TNFRSF21: variants seen among roughly 807,000 people sequenced by gnomAD.
TNFRSF21 encodes the protein tumor necrosis factor receptor superfamily member 21.
TNFRSF21 carries 19 observed loss-of-function variants against 45.6 expected under a neutral mutation model. The ratio of observed to expected loss-of-function variants is 0.42; its 90% CI spans 0.29 to 0.61. The LOEUF (loss-of-function observed/expected upper bound fraction) is 0.61, where lower values mean the gene tolerates loss of function less well. TNFRSF21 is among the 20% of genes least tolerant of loss of function. The probability of loss-of-function intolerance (pLI) is 0.23; values close to 1 mark genes in which losing one functional copy is unlikely to be tolerated. For synonymous variants in TNFRSF21, 314 were observed against 335.5 expected (o/e 0.94, Z 0.70); for missense variants, 737 against 851.5 (o/e 0.87, Z 1.67).
chr6:47,253,035 A>ATT (rs137905625), intron 4 of TNFRSF21, among the ~76,000 whole-genome samples: 2 of 151,078 alleles, frequency 1.3e-5, no homozygotes, highest in African/African-American at 2.4e-5. Flanking sequence ...GAGCATCAGT[A>ATT]TTTTTTTTTA....
intron 3 of TNFRSF21, among the ~76,000 whole-genome samples, chr6:47,267,168 G>A (rs1338625934): frequency 3.3e-5 from 5 of 149,668 alleles, no homozygotes; most frequent in South Asian, 4.2e-4. Flanking sequence ...GTGAGATCTC[G>A]GCTCACTGTA....
chr6:47,293,042 C>T (rs1762749442), intron 1 of TNFRSF21, among the ~76,000 whole-genome samples: 1 of 152,208 alleles, frequency 6.6e-6, no homozygotes, highest in South Asian at 2.1e-4. Flanking sequence ...GCTCCACCTT[C>T]CCTGTAAAGC....
intron 1 of TNFRSF21, among the ~76,000 whole-genome samples, chr6:47,308,721 G>C (rs560283033): frequency 3.3e-5 from 5 of 152,328 alleles, no homozygotes; most frequent in East Asian, 3.9e-4. Context: ...TTCCAGTGCC[G>C]GCGCGCTGGC....
intron 2 of TNFRSF21, among the ~76,000 whole-genome samples, chr6:47,285,075 C>T (rs1735576130): frequency 6.6e-6 from 1 of 152,048 alleles, no homozygotes; most frequent in African/African-American, 2.4e-5. Flanking sequence ...CAGGACTTGG[C>T]CTAAGCAAAG....
At chr6:47,280,621 G>A (rs146133662) in intron 3 of TNFRSF21, among the ~76,000 whole-genome samples, 281 of 152,288 alleles carry the variant, frequency 1.8e-3, no homozygotes, top group African/African-American at 5.5e-3. Flanking sequence ...TTTCACAGAC[G>A]AGTAGGATCA....
chr6:47,286,388 C>T lies in TNFRSF21; in HGVS notation c.304G>A (p.Gly102Ser), dbSNP rs1368594520. 1.2e-6 allele frequency: 2 copies of T among 1,614,218 alleles called. No individual in the cohort carries two copies. The highest frequency in any genetic ancestry group is 1.3e-5 in the African/African-American group (1 of 75,060). The change falls in exon 2 of 6, where the codon GGC (glycine) becomes AGC (serine). Residue 102 changes from glycine (G) to serine (S), a missense_variant. Transcript: ENST00000296861. ...CTACAGTCATGGCATTTCTCTATGC[C>T]ATTCTCATGCCTGGTAAAGGTCCCC... ...PVGTFTRHEN[G>S]IEKCHDCSQP...
intron 4 of TNFRSF21, among the ~76,000 whole-genome samples, chr6:47,250,796 T>C (rs1764891100): frequency 1.3e-5 from 2 of 152,294 alleles, no homozygotes; most frequent in Admixed American, 6.5e-5. Context: ...AAATAAACAA[T>C]GGACAGAGAG....
At chr6:47,261,347 C>T (rs994129442) in intron 3 of TNFRSF21, among the ~76,000 whole-genome samples, 5 of 152,244 alleles carry the variant, frequency 3.3e-5, no homozygotes, top group Non-Finnish European at 7.3e-5. Context: ...TGACTAGCAG[C>T]ATCCCCAGCA....
At position 47,243,302 on chromosome 6, in the gene TNFRSF21, A is replaced by AT. The variant is rs531291529; in HGVS notation, c.1510-8405dup. 2.6e-5 allele frequency among the ~76,000 whole-genome samples: 4 copies of AT among 152,338 alleles called. No individual in the cohort carries two copies. The South Asian group carries it at 8.3e-4, about 32-fold the overall frequency. On this transcript the variant is annotated intron_variant, in intron 4 of 5. Coordinates refer to ENST00000296861, the MANE Select transcript of TNFRSF21 (RefSeq NM_014452.5). Reference sequence around the variant, plus strand: ...AGACAGTCTATACTTATACCAATAAATAAGTATATATGTTCTCCACCCCCC... The same window carrying AT: ...AGACAGTCTATACTTATACCAATAAATTAAGTATATATGTTCTCCACCCCCC...
chr6:47,239,207 A>G (rs1764708724), intron 4 of TNFRSF21, among the ~76,000 whole-genome samples: 1 of 149,018 alleles, frequency 6.7e-6, no homozygotes, highest in African/African-American at 2.5e-5. Context: ...GATTGCTTGA[A>G]CTGGGGAGGC....
intron 1 of TNFRSF21, among the ~76,000 whole-genome samples, chr6:47,298,061 A>G (rs982373463): frequency 1.3e-5 from 2 of 152,178 alleles, no homozygotes; most frequent in African/African-American, 4.8e-5. Context: ...AGAAAACACA[A>G]GAGAGCAGAA....
chr6:47,283,474 C>T (rs1762597457), intron 3 of TNFRSF21, among the ~76,000 whole-genome samples: 1 of 152,148 alleles, frequency 6.6e-6, no homozygotes, highest in African/African-American at 2.4e-5. Flanking sequence ...CTGAAAATGG[C>T]AAACTTATGA....
chr6:47,286,320 A>T lies in TNFRSF21; in HGVS notation c.372T>A (p.Ala124=). ...AAGTGCATTCTCGGTCAGTCAAGGCAGCACAAGGTAATTTCTCAATCATTG... is the reference window on the plus strand; with the variant it reads ...AAGTGCATTCTCGGTCAGTCAAGGCTGCACAAGGTAATTTCTCAATCATTG... ...PWPMIEKLPC[A]ALTDRECTCP... is the part of the protein sequence containing the mutation. Residue 124 remains alanine (A), a synonymous_variant, in exon 2 of 6, where the codon GCT becomes GCA. Coordinates refer to ENST00000296861, the MANE Select transcript of TNFRSF21 (RefSeq NM_014452.5). 6.2e-7 allele frequency: 1 copy of T among 1,614,256 alleles called. No homozygotes were observed. Among genetic ancestry groups the T allele is most frequent in the Non-Finnish European group, 8.5e-7 (1 of 1,180,048 alleles).
In TNFRSF21 at chr6:47,286,245, C is replaced by T. The variant is rs1223760106; in HGVS notation, c.447G>A (p.Val149=). Residue 149 remains valine (V), a synonymous_variant, in exon 2 of 6, where the codon GTG becomes GTA. Transcript: ENST00000296861. ...QSNATCAPHT[V]CPVGWGVRKK... ...TCCGCACACCCCAACCCACAGGACA[C>T]ACCGTATGGGGGGCACAGGTAGCGT... 1.9e-6 allele frequency: 3 copies of T among 1,614,240 alleles called. No homozygotes were observed. Among genetic ancestry groups the T allele is most frequent in the South Asian group, 1.1e-5 (1 of 91,078 alleles).
Position 47,248,948 on chromosome 6 carries a change from C to A in TNFRSF21, c.1509+4308G>T, listed in dbSNP as rs1179895157. ...CTCATTCTCAGAGTAACCCATAGGA[C>A]AGGCACGCATGTTGTTCCTATTGTC... is the stretch of plus-strand genomic sequence containing the variant. On this transcript the variant is annotated intron_variant, in intron 4 of 5. Transcript: ENST00000296861. Among the ~76,000 whole-genome samples the A allele has an allele frequency of 2.6e-5, 4 of 152,326 alleles. No individual in the cohort carries two copies. In the East Asian group the frequency reaches 7.7e-4, roughly 29 times the overall value.
At chr6:47,290,104 G>A (rs922963095) in intron 1 of TNFRSF21, among the ~76,000 whole-genome samples, 1 of 152,190 alleles carries the variant, frequency 6.6e-6, no homozygotes, top group African/African-American at 2.4e-5. Flanking sequence ...GTACTTCGTG[G>A]CATGTCTACA....
chr6:47,259,500 G>T (rs892105467), intron 3 of TNFRSF21, among the ~76,000 whole-genome samples: 1 of 152,046 alleles, frequency 6.6e-6, no homozygotes, highest in South Asian at 2.1e-4. Flanking sequence ...TCAGGCTCCC[G>T]AGTAGCTAGA....
chr6:47,245,427 AGTGTGTGTGTGTGT>A (rs375623340), intron 4 of TNFRSF21, among the ~76,000 whole-genome samples: 2 of 142,188 alleles, frequency 1.4e-5, no homozygotes, highest in African/African-American at 2.6e-5. Flanking sequence ...ACTAAGAAGA[AGTGTGTGTGTGTGT>A]GTGTGTGTGT....
Position 47,232,981 on chromosome 6 carries a change from T to C in TNFRSF21, c.1752A>G (p.Thr584=), listed in dbSNP as rs368081815. The change falls in exon 6 of 6, where the codon ACA becomes ACG. Residue 584 remains threonine, a synonymous_variant. Coordinates refer to ENST00000296861, the MANE Select transcript of TNFRSF21 (RefSeq NM_014452.5). ...GGTCCAGGCGTACCTGCCGCAACACTGTGTCCTTCTTTTCTGCAGAGAAGA... is the reference window on the plus strand; with the variant it reads ...GGTCCAGGCGTACCTGCCGCAACACCGTGTCCTTCTTTTCTGCAGAGAAGA... The part of the protein sequence containing the change: ...GSFITKEKKD[T]VLRQVRLDPC... The C allele has an allele frequency of 1.2e-6, 2 of 1,614,026 alleles. No homozygotes were observed. Among genetic ancestry groups the C allele is most frequent in the African/African-American group, 1.3e-5 (1 of 74,924 alleles).
Sources: allele counts gnomAD v4.1 joint callset (sites outside exome capture counted in the v4.1 genomes callset), GRCh38; gene constraint gnomAD v4.1.1; transcripts MANE v1.5; gene names NCBI Gene and HGNC (gene_info 2026-07-23, HGNC 2026-07-21).